The following GALNTL6 variants were observed in gnomAD, a reference collection of about 807,000 sequenced individuals.
The protein encoded by GALNTL6 is polypeptide N-acetylgalactosaminyltransferase like 6.
GALNTL6 carries 46 observed loss-of-function variants against 73.7 expected under a neutral mutation model. That is an observed-to-expected ratio of 0.62 (90% CI 0.49 to 0.80). The LOEUF is 0.80. Among genes scored for constraint, GALNTL6 ranks in the 30% least tolerant of loss-of-function variants. The probability of loss-of-function intolerance (pLI) is 0.00; values close to 1 mark genes in which losing one functional copy is unlikely to be tolerated. For synonymous variants in GALNTL6, 259 were observed against 263.7 expected (o/e 0.98, Z 0.17); for missense variants, 604 against 755.0 (o/e 0.80, Z 2.34).
chr4:171,977,189 T>A (rs1054829988), intron 2 of GALNTL6, among the ~76,000 whole-genome samples: 1 of 152,208 alleles, frequency 6.6e-6, no homozygotes, highest in African/African-American at 2.4e-5. Context: ...GATTATTTAA[T>A]CCAAATTTTA....
chr4:172,285,699 C>T (rs1739221024), intron 3 of GALNTL6, among the ~76,000 whole-genome samples: 1 of 152,148 alleles, frequency 6.6e-6, no homozygotes, highest in African/African-American at 2.4e-5. Context: ...TACACCTTTG[C>T]CATTTCCCTG....
intron 5 of GALNTL6, among the ~76,000 whole-genome samples, chr4:172,705,107 TG>T (rs1448615861): frequency 6.6e-6 from 1 of 151,890 alleles, no homozygotes; most frequent in Non-Finnish European, 1.5e-5. Context: ...AGCATTTAAC[TG>T]GGTCTTGTAC....
intron 2 of GALNTL6, among the ~76,000 whole-genome samples, chr4:171,874,925 T>A (rs1021233827): frequency 6.6e-6 from 1 of 152,146 alleles, no homozygotes; most frequent in Admixed American, 6.5e-5. Context: ...CGAGGACATT[T>A]CCTCTCTGTT....
chr4:172,070,070 AT>A (rs1326020788), intron 2 of GALNTL6, among the ~76,000 whole-genome samples: 1 of 108,980 alleles, frequency 9.2e-6, no homozygotes, highest in Admixed American at 9.6e-5. Flanking sequence ...TGTGGAGAAC[AT>A]TCCCAGCAGG....
intron 2 of GALNTL6, among the ~76,000 whole-genome samples, chr4:171,851,952 A>G (rs1395186262): frequency 2.0e-5 from 3 of 152,248 alleles, no homozygotes; most frequent in African/African-American, 7.2e-5. Context: ...AATAAAAGGT[A>G]AGCACAGAGT....
At chr4:172,715,700 G>T (rs1029259582) in intron 5 of GALNTL6, among the ~76,000 whole-genome samples, 1 of 152,094 alleles carries the variant, frequency 6.6e-6, no homozygotes, top group African/African-American at 2.4e-5. Context: ...AAATCCTGGG[G>T]ATTGATTTAT....
chr4:172,042,876 A>AAC (rs1436232507), intron 2 of GALNTL6, among the ~76,000 whole-genome samples: 7 of 149,948 alleles, frequency 4.7e-5, no homozygotes, highest in Non-Finnish European at 7.4e-5. Flanking sequence ...AAAAAAAAAA[A>AAC]AAAAAAAAAA....
chr4:172,308,238 G>A (rs1299081025), intron 3 of GALNTL6, among the ~76,000 whole-genome samples: 1 of 151,130 alleles, frequency 6.6e-6, no homozygotes, highest in Non-Finnish European at 1.5e-5. Context: ...TGAGTCTTTA[G>A]GGTTTTCATG....
At chr4:171,877,987 T>A (rs1736326464) in intron 2 of GALNTL6, among the ~76,000 whole-genome samples, 1 of 152,208 alleles carries the variant, frequency 6.6e-6, no homozygotes, top group Non-Finnish European at 1.5e-5. Flanking sequence ...ATTTATGTAA[T>A]ACTGATCACA....
intron 12 of GALNTL6, among the ~76,000 whole-genome samples, chr4:173,032,969 A>G (rs1235477462): frequency 6.6e-6 from 1 of 152,128 alleles, no homozygotes; most frequent in East Asian, 1.9e-4. Context: ...ACTCACACCA[A>G]GGGGCTCTGT....
chr4:172,997,411 A>G (rs1366795823), intron 10 of GALNTL6, among the ~76,000 whole-genome samples: 1 of 152,156 alleles, frequency 6.6e-6, no homozygotes, highest in Admixed American at 6.5e-5. Context: ...GCATGGCGAG[A>G]GTGCAGATGA....
intron 3 of GALNTL6, among the ~76,000 whole-genome samples, chr4:172,264,494 TTATATTTA>T (rs1219702772): frequency 1.4e-4 from 19 of 140,624 alleles, no homozygotes; most frequent in South Asian, 6.6e-4. Context: ...ATATTTATAC[TTATATTTA>T]TATATTTATA....
In GALNTL6 at chr4:173,025,855, CATAATA is replaced by C. The variant is rs573696911; in HGVS notation, c.1638+4233_1638+4238del. Among the ~76,000 whole-genome samples, 367 of 151,742 alleles carry C rather than the reference CATAATA, an allele frequency of 2.4e-3. 6 individuals carry two copies. Among genetic ancestry groups the C allele is most frequent in the South Asian group, 0.02 (96 of 4,828 alleles). ...TTATGACTTTCAAGTGCTTCACCAACATAATAATGATAATAACTGAGTGAGATAAAC... is the reference window on the plus strand; with the variant it reads ...TTATGACTTTCAAGTGCTTCACCAACATGATAATAACTGAGTGAGATAAAC... On this transcript the variant is annotated intron_variant, in intron 12 of 12. Coordinates refer to ENST00000506823, the MANE Select transcript of GALNTL6 (RefSeq NM_001034845.3).
At chr4:172,913,207 G>A (rs1049153646) in intron 8 of GALNTL6, among the ~76,000 whole-genome samples, 1 of 152,144 alleles carries the variant, frequency 6.6e-6, no homozygotes, top group Non-Finnish European at 1.5e-5. Context: ...CAACAAAAAG[G>A]ACATCCACAC....
At chr4:172,292,454 C>T (rs1043036688) in intron 3 of GALNTL6, among the ~76,000 whole-genome samples, 6 of 152,134 alleles carry the variant, frequency 3.9e-5, no homozygotes, top group African/African-American at 1.4e-4. Flanking sequence ...CATACTGATA[C>T]AATCCATAAT....
intron 5 of GALNTL6, chr4:172,667,768 G>T (rs1355568539): frequency 1.3e-5 from 2 of 152,226 alleles, no homozygotes; most frequent in South Asian, 2.1e-4. Flanking sequence ...CTATGCAAAT[G>T]ATTAGGAAAA....
chr4:172,664,960 G>T (rs1731579062), intron 5 of GALNTL6, among the ~76,000 whole-genome samples: 1 of 152,158 alleles, frequency 6.6e-6, no homozygotes, highest in South Asian at 2.1e-4. Context: ...TGAAGAATGT[G>T]CAACAGAGAC....
intron 2 of GALNTL6, among the ~76,000 whole-genome samples, chr4:171,853,165 A>C (rs1437368519): frequency 6.6e-6 from 1 of 151,676 alleles, no homozygotes; most frequent in East Asian, 1.9e-4. Flanking sequence ...GCCCAGCCAG[A>C]TGTAGGAGGT....
intron 5 of GALNTL6, among the ~76,000 whole-genome samples, chr4:172,778,233 C>T (rs954349250): frequency 6.6e-6 from 1 of 152,240 alleles, no homozygotes; most frequent in Non-Finnish European, 1.5e-5. Flanking sequence ...GTCACTCACA[C>T]AGTTTTAACA....
Sources: gnomAD v4.1 joint callset for allele counts (sites outside exome capture counted in the v4.1 genomes callset) on GRCh38, gnomAD v4.1.1 for gene constraint, MANE v1.5 for transcripts, NCBI Gene and HGNC (gene_info 2026-07-23, HGNC 2026-07-21) for gene names.